ITSN2: variants seen among roughly 807,000 people sequenced by gnomAD.
ITSN2 encodes intersectin-2.
ITSN2 carries 156 observed loss-of-function variants against 243.7 expected under a neutral mutation model. That is an observed-to-expected ratio of 0.64 (90% CI 0.56 to 0.73). The LOEUF (loss-of-function observed/expected upper bound fraction) is 0.73, where lower values mean the gene tolerates loss of function less well. Among genes scored for constraint, ITSN2 ranks in the 30% least tolerant of loss-of-function variants. The pLI is 0.00. For missense variants in ITSN2, 1,801 were observed against 1,996.1 expected, an observed-to-expected ratio of 0.90 and a Z score of 1.86; for synonymous variants, 703 against 699.9, an observed-to-expected ratio of 1.00 and a Z score of -0.07.
intron 7 of ITSN2, 90 bp from the exon 8 acceptor site, chr2:24,308,846 T>C: frequency 1.2e-6 from 1 of 840,658 alleles, no homozygotes. Context: ...GAATCTTATA[T>C]ACCAGGGGTC....
chr2:24,248,659 A>G lies in ITSN2; in HGVS notation c.3258T>C (p.Asn1086=). 4 of 1,610,494 alleles carry G rather than the reference A, an allele frequency of 2.5e-6. No individual in the cohort carries two copies. The highest frequency in any genetic ancestry group is 2.5e-6 in the Non-Finnish European group (3 of 1,177,670). The change falls in exon 27 of 40, where the codon AAT becomes AAC. Residue 1086 remains asparagine, a synonymous_variant. Transcript: ENST00000355123. ...ACTCTCCTTGCCACCACCCACTTGTATTTTTCTTTAGAATTAATATTAACT... is the reference window on the plus strand; with the variant it reads ...ACTCTCCTTGCCACCACCCACTTGTGTTTTTCTTTAGAATTAATATTAACT... The part of the protein sequence containing the change: ...PGQLILILKK[N]TSGWWQGELQ...
intron 32 of ITSN2, among the ~76,000 whole-genome samples, chr2:24,214,082 C>T (rs951724814): frequency 7.2e-5 from 11 of 152,194 alleles, no homozygotes; most frequent in East Asian, 1.9e-4. Context: ...TAGACAGTGA[C>T]GGGGCCGAGA....
rs144159139 is a variant in ITSN2, at chr2:24,220,972, G to A, written c.3672C>T (p.Tyr1224=). 1,314 of 1,609,644 alleles carry A rather than the reference G, an allele frequency of 8.2e-4. No homozygotes were observed. Among genetic ancestry groups the A allele is most frequent in the Admixed American group, 1.9e-3 (111 of 59,218 alleles). The stretch of plus-strand genomic sequence containing the variant: ...CGACGACGAGCTGAAGGTCAGCCAT[G>A]TACCGCTCTTCGGTCTGAATCAGCT... ...IHELIQTEER[Y]MADLQLVVEV... Residue 1224 remains tyrosine (Y), a synonymous_variant, in exon 30 of 40, where the codon TAC becomes TAT. Coordinates refer to ENST00000355123, the MANE Select transcript of ITSN2 (RefSeq NM_006277.3).
At position 24,246,190 on chromosome 2, in the gene ITSN2, C is replaced by T; in HGVS notation, c.3516G>A (p.Val1172=). The change falls in exon 29 of 40, where the codon GTG becomes GTA. Residue 1172 remains valine (V), a synonymous_variant. Transcript: ENST00000355123. ...CGTAGTTTGAAGGAAAGAGACCAGT[C>T]ACCCCGTTGATCTCTCCTTGCCACC... The part of the protein sequence containing the change: ...PDWWQGEING[V]TGLFPSNYVK... 3 of 1,613,440 alleles carry T rather than the reference C, an allele frequency of 1.9e-6. No homozygotes were observed. Among genetic ancestry groups the T allele is most frequent in the Non-Finnish European group, 2.5e-6 (3 of 1,179,492 alleles).
intron 15 of ITSN2, 103 bp from the exon 16 acceptor site, chr2:24,286,454 G>T: frequency 2.2e-6 from 2 of 920,130 alleles, no homozygotes; most frequent in South Asian, 1.4e-5. Context: ...AGACCAATAC[G>T]AAGGATGTAT....
intron 29 of ITSN2, chr2:24,239,409 CTCTT>C (rs940000564): frequency 1.1e-4 from 17 of 151,868 alleles, no homozygotes; most frequent in African/African-American, 3.9e-4. Context: ...TTTAAAATGA[CTCTT>C]TAAGATAAAG....
chr2:24,294,537 G>A (rs1266052453), intron 14 of ITSN2, among the ~76,000 whole-genome samples: 1 of 152,192 alleles, frequency 6.6e-6, no homozygotes, highest in Non-Finnish European at 1.5e-5. Context: ...AGTCCATGCA[G>A]TAAGAGAAAT....
At chr2:24,304,501 T>A (rs773428333) in intron 8 of ITSN2, among the ~76,000 whole-genome samples, 1 of 152,208 alleles carries the variant, frequency 6.6e-6, no homozygotes, top group Non-Finnish European at 1.5e-5. Context: ...ATTTTTTTAA[T>A]CTGGACATTT....
Position 24,313,496 on chromosome 2 carries a change from T to C in ITSN2, c.152A>G (p.Gln51Arg), listed in dbSNP as rs1214658843. 1.2e-6 allele frequency: 2 copies of C among 1,613,380 alleles called. No homozygotes were observed. The highest frequency in any genetic ancestry group is 3.3e-5 in the Admixed American group (2 of 59,970). Residue 51 changes from glutamine to arginine, a missense_variant, in exon 4 of 40, where the codon CAA (glutamine) becomes CGA (arginine). Gln to Arg is a conservative substitution (Grantham distance 43). Around this residue, in one of 5 missense-constraint regions of ITSN2, gnomAD observed 77 missense variants for 90.1 expected, o/e 0.85. Coordinates refer to ENST00000355123, the MANE Select transcript of ITSN2 (RefSeq NM_006277.3). ...TAAAACAGGGGCCGGCAGACCTGATTGTAGGAAAAAATTACGTGCTTGATC... is the reference window on the plus strand; with the variant it reads ...TAAAACAGGGGCCGGCAGACCTGATCGTAGGAAAAAATTACGTGCTTGATC... ...TGDQARNFFLQSGLPAPVLAE... is the reference protein window; with the variant it reads ...TGDQARNFFLRSGLPAPVLAE...
chr2:24,241,084 T>C (rs1290731267), intron 29 of ITSN2: 1 of 152,154 alleles, frequency 6.6e-6, no homozygotes, highest in Non-Finnish European at 1.5e-5. Flanking sequence ...TTACACAGCT[T>C]TCCTTCACTC....
chr2:24,288,502 G>T (rs1336495056), intron 15 of ITSN2, among the ~76,000 whole-genome samples: 1 of 152,026 alleles, frequency 6.6e-6, no homozygotes, highest in Non-Finnish European at 1.5e-5. Context: ...TAATGTGTAT[G>T]TTAATTAGCT....
chr2:24,205,128 T>C (rs2151072431), intron 38 of ITSN2, 86 bp downstream of exon 38: 1 of 1,088,724 alleles, frequency 9.2e-7, no homozygotes, highest in South Asian at 1.3e-5. Flanking sequence ...GCCTAGGTTA[T>C]ACACTGAGAC....
At chr2:24,205,134 G>A (rs558452020) in intron 38 of ITSN2, 80 bp downstream of exon 38, 1 of 1,177,438 alleles carries the variant, frequency 8.5e-7, no homozygotes, top group Admixed American at 1.7e-5. Flanking sequence ...GTTATACACT[G>A]AGACTCTGTC....
At chr2:24,308,936 T>C (rs1364868019) in intron 7 of ITSN2, 180 bp from the exon 8 acceptor site, 1 of 583,202 alleles carries the variant, frequency 1.7e-6, no homozygotes, top group African/African-American at 1.9e-5. Flanking sequence ...TGAGCACTAC[T>C]ACCTGAGCTC....
chr2:24,330,691 A>G, intron 1 of ITSN2: 4 of 700,152 alleles, frequency 5.7e-6, no homozygotes, highest in Admixed American at 1.8e-5. Context: ...TGTATTTTTT[A>G]TAACTGTGTA....
rs765871624 is a variant in ITSN2, at chr2:24,313,484, G to C, written c.164C>G (p.Pro55Arg). The C allele has an allele frequency of 1.9e-6, 3 of 1,613,208 alleles. No homozygotes were observed. Among genetic ancestry groups the C allele is most frequent in the East Asian group, 4.5e-5 (2 of 44,842 alleles). The change falls in exon 4 of 40, where the codon CCG (proline) becomes CGG (arginine). Residue 55 changes from proline to arginine, a missense_variant. Pro to Arg is a moderately radical substitution (Grantham distance 103). Coordinates refer to ENST00000355123, the MANE Select transcript of ITSN2 (RefSeq NM_006277.3). ...CCATATTTCAGCTAAAACAGGGGCC[G>C]GCAGACCTGATTGTAGGAAAAAATT... ...ARNFFLQSGL[P>R]APVLAEIWAL... is the part of the protein sequence containing the mutation.
chr2:24,299,523 C>A (rs552022157), intron 12 of ITSN2, among the ~76,000 whole-genome samples: 1 of 152,298 alleles, frequency 6.6e-6, no homozygotes, highest in East Asian at 1.9e-4. Flanking sequence ...ACTTTCAATG[C>A]CCAGCTCTCA....
At chr2:24,232,873 C>A (rs1373679957) in intron 29 of ITSN2, among the ~76,000 whole-genome samples, 1 of 152,186 alleles carries the variant, frequency 6.6e-6, no homozygotes, top group Non-Finnish European at 1.5e-5. Flanking sequence ...CTACCAGGTC[C>A]TATGCTTGGT....
At chr2:24,359,729 G>A (rs144095317) in intron 1 of ITSN2, among the ~76,000 whole-genome samples, 1,803 of 152,204 alleles carry the variant, frequency 0.012, 21 homozygotes, top group South Asian at 0.02. Flanking sequence ...TAACGCTGAA[G>A]GTAAATTTAA....
Sources: gnomAD v4.1 joint callset for allele counts (sites outside exome capture counted in the v4.1 genomes callset) on GRCh38, gnomAD v4.1.1 for gene constraint, gnomAD v4.1.1 regional missense constraint, MANE v1.5 for transcripts, NCBI Gene and HGNC (gene_info 2026-07-23, HGNC 2026-07-21) for gene names.